SFXN2: variants seen among roughly 807,000 people sequenced by gnomAD.
SFXN2 encodes the protein sideroflexin 2.
In SFXN2, 37 loss-of-function variants were observed where a neutral mutation model predicts 41.9. That is an observed-to-expected ratio of 0.88 (90% confidence interval 0.68 to 1.16). The LOEUF (loss-of-function observed/expected upper bound fraction) is 1.16, where lower values mean the gene tolerates loss of function less well. Ranked by LOEUF, SFXN2 falls within the 50% of genes most tolerant of loss-of-function variation. The pLI, the probability that SFXN2 is intolerant of heterozygous loss-of-function variation, is 0.00. For synonymous variants in SFXN2, 150 were observed against 156.7 expected (o/e 0.96, Z 0.32); for missense variants, 386 against 425.2 (o/e 0.91, Z 0.81).
Position 102,739,151 on chromosome 10 carries a change from G to T in SFXN2, c.*1389G>T, listed in dbSNP as rs1218608262. ...TGTCCAACAGATATCACTGTGAATT[G>T]AATAAATTTGTTGAAAGAGCACACA... On this transcript the variant is annotated 3_prime_UTR_variant, in exon 12 of 12. Transcript: ENST00000369893. The T allele has an allele frequency of 6.6e-6, 1 of 152,194 alleles. No individual in the cohort carries two copies. Among genetic ancestry groups the T allele is most frequent in the East Asian group, 1.9e-4 (1 of 5,194 alleles). 9.4% of individuals were successfully genotyped at this position (152,194 alleles called of 1,614,324 possible).
At chr10:102,737,212 C>G (rs192571134) in intron 11 of SFXN2, among the ~76,000 whole-genome samples, 6 of 151,934 alleles carry the variant, frequency 3.9e-5, no homozygotes, top group Non-Finnish European at 7.4e-5. Flanking sequence ...GGCTGACAAC[C>G]GAAACCCCTC....
chr10:102,718,856 C>T (rs2064457485), intron 1 of SFXN2, among the ~76,000 whole-genome samples: 1 of 151,954 alleles, frequency 6.6e-6, no homozygotes, highest in African/African-American at 2.4e-5. Flanking sequence ...CCTGTCTCCA[C>T]CTCCTTTCTC....
chr10:102,722,986 C>T (rs2064532269), intron 1 of SFXN2, among the ~76,000 whole-genome samples: 1 of 128,194 alleles, frequency 7.8e-6, no homozygotes, highest in African/African-American at 3.0e-5. Flanking sequence ...GGCTGGAGTG[C>T]AGTGGCTTGA....
At chr10:102,733,457 C>A in intron 9 of SFXN2, 97 bp from the exon 10 acceptor site, 2 of 1,022,952 alleles carry the variant, frequency 2.0e-6, no homozygotes, top group Non-Finnish European at 1.5e-6. Context: ...CACCTGTGGG[C>A]TTTTCTAGCT....
intron 1 of SFXN2, among the ~76,000 whole-genome samples, chr10:102,724,476 G>A (rs1325992672): frequency 6.6e-6 from 1 of 152,164 alleles, no homozygotes; most frequent in Non-Finnish European, 1.5e-5. Flanking sequence ...GGCCGAGGTG[G>A]GCGGATCACG....
In SFXN2 at chr10:102,733,696, C is replaced by T. The variant is rs1590153994; in HGVS notation, c.821+93C>T. The T allele has an allele frequency of 1.1e-5, 11 of 1,007,726 alleles. No individual in the cohort carries two copies. The East Asian group carries it at 2.4e-4, about 22-fold the overall frequency. 62.4% of individuals were successfully genotyped at this position (1,007,726 alleles called of 1,614,324 possible). On this transcript the variant is annotated intron_variant, in intron 10 of 11. Coordinates refer to ENST00000369893, the MANE Select transcript of SFXN2 (RefSeq NM_178858.6). ...AGCCCGTGTTGGAGAACGTGTACTC[C>T]TTTACCTGACTTTAAAAGTGGTCAA...
intron 1 of SFXN2, among the ~76,000 whole-genome samples, chr10:102,725,318 A>ACTTC (rs2064576092): frequency 1.3e-5 from 2 of 152,154 alleles, no homozygotes; most frequent in Non-Finnish European, 2.9e-5. Flanking sequence ...GTGAGGCAGG[A>ACTTC]AGGCAAGAGG....
In SFXN2 at chr10:102,727,092, C is replaced by T. The variant is rs1477718101; in HGVS notation, c.267C>T (p.Ile89=). ...HPDTGEKMNV[I]GRMSFQLPGG... is the part of the protein sequence containing the mutation. ...ACACTGGGGAGAAGATGAATGTCAT[C>T]GGGCGCATGTCTTTCCAGCTTCCTG... Residue 89 remains isoleucine, a synonymous_variant, in exon 3 of 12, where the codon ATC becomes ATT. Transcript: ENST00000369893. 8.7e-6 allele frequency: 14 copies of T among 1,610,548 alleles called. No individual in the cohort carries two copies. The highest frequency in any genetic ancestry group is 3.3e-5 in the South Asian group (3 of 91,010).
intron 3 of SFXN2, 33 bp downstream of exon 3, chr10:102,727,190 A>G: frequency 6.3e-7 from 1 of 1,577,522 alleles, no homozygotes; most frequent in Non-Finnish European, 8.7e-7. Flanking sequence ...TGGGAGGTAC[A>G]GCTGCCTGGA....
chr10:102,725,713 C>T (rs889007494), intron 1 of SFXN2, among the ~76,000 whole-genome samples: 1 of 151,770 alleles, frequency 6.6e-6, no homozygotes, highest in Non-Finnish European at 1.5e-5. Context: ...GGCAACATAG[C>T]GAGGTGCCAT....
intron 1 of SFXN2, among the ~76,000 whole-genome samples, chr10:102,723,241 G>C (rs2064536458): frequency 6.7e-6 from 1 of 148,476 alleles, no homozygotes; most frequent in South Asian, 2.1e-4. Flanking sequence ...TACCATGCCT[G>C]GCCGACTAGA....
Position 102,742,301 on chromosome 10 carries a change from G to A in SFXN2, c.*4539G>A, listed in dbSNP as rs1023615884. The A allele has an allele frequency of 6.6e-6, 1 of 152,224 alleles. No individual in the cohort carries two copies. The highest frequency in any genetic ancestry group is 2.4e-5 in the African/African-American group (1 of 41,368). 9.4% of individuals were successfully genotyped at this position (152,224 alleles called of 1,614,324 possible). ...TCTGCTTTAGCCTCCTGAGTAGCTG[G>A]GACTACAGGCATGCACCACCACGCC... On this transcript the variant is annotated 3_prime_UTR_variant, in exon 12 of 12. Coordinates refer to ENST00000369893, the MANE Select transcript of SFXN2 (RefSeq NM_178858.6).
intron 9 of SFXN2, 113 bp downstream of exon 9, chr10:102,733,021 C>A: frequency 2.8e-6 from 3 of 1,083,394 alleles, no homozygotes; most frequent in Non-Finnish European, 4.2e-6. Context: ...AGCTACCATG[C>A]TGTCATCTCA....
At position 102,737,972 on chromosome 10, in the gene SFXN2, A is replaced by G. The variant is rs966196253; in HGVS notation, c.*210A>G. The G allele has an allele frequency of 8.2e-6, 3 of 364,204 alleles. No individual in the cohort carries two copies. The highest frequency in any genetic ancestry group is 4.3e-5 in the East Asian group (1 of 23,198). 22.6% of individuals were successfully genotyped at this position (364,204 alleles called of 1,614,324 possible). On this transcript the variant is annotated 3_prime_UTR_variant, in exon 12 of 12. Coordinates refer to ENST00000369893, the MANE Select transcript of SFXN2 (RefSeq NM_178858.6). ...AAGTGAAAAAGGGTAGCAAAGGCCA[A>G]TGTCTTCTAGCTGCTTCCTCAACCC...
In SFXN2 at chr10:102,729,793, C is replaced by T. The variant is rs773486938; in HGVS notation, c.578C>T (p.Pro193Leu). 6.2e-7 allele frequency: 1 copy of T among 1,614,068 alleles called. No individual in the cohort carries two copies. Residue 193 changes from proline to leucine, a missense_variant, in exon 6 of 12, where the codon CCC (proline) becomes CTC (leucine). Physicochemically the swap from Pro to Leu is moderately conservative, Grantham distance 98 (BLOSUM62 -3). Transcript: ENST00000369893. The stretch of plus-strand genomic sequence containing the variant: ...GCTGCGGCTAACTGTGTCAATATCC[C>T]CATGATGCGACAGCAGTGAGTAAAG... ...AVAAANCVNI[P>L]MMRQQELIKG...
chr10:102,735,335 C>T (rs1386136164), intron 10 of SFXN2, among the ~76,000 whole-genome samples: 3 of 151,376 alleles, frequency 2.0e-5, no homozygotes, highest in South Asian at 2.1e-4. Context: ...CCAAGTTGCT[C>T]CTCAACCTCC....
chr10:102,733,716 G>C, intron 10 of SFXN2, 113 bp downstream of exon 10: 4 of 894,090 alleles, frequency 4.5e-6, no homozygotes, highest in Non-Finnish European at 7.3e-6. Flanking sequence ...CTTTAAAAGT[G>C]GTCAAGCTCA....
intron 1 of SFXN2, among the ~76,000 whole-genome samples, chr10:102,718,348 T>G (rs1016429437): frequency 3.9e-5 from 6 of 152,364 alleles, no homozygotes; most frequent in African/African-American, 1.4e-4. Context: ...GTCTCCAGCA[T>G]GTATGAGCCT....
chr10:102,727,128 C>A lies in SFXN2; in HGVS notation c.303C>A (p.Ile101=). The stretch of plus-strand genomic sequence containing the variant: ...CTTTCCAGCTTCCTGGCGGCATGAT[C>A]ATCACGGGCTTCATGCTCCAGTTCT... ...RMSFQLPGGM[I]ITGFMLQFYR... The change falls in exon 3 of 12, where the codon ATC becomes ATA. Residue 101 remains isoleucine (I), a synonymous_variant. Transcript: ENST00000369893. The A allele has an allele frequency of 6.2e-7, 1 of 1,606,110 alleles. No individual in the cohort carries two copies.
Sources: gnomAD v4.1 joint callset for allele counts (sites outside exome capture counted in the v4.1 genomes callset) on GRCh38, gnomAD v4.1.1 for gene constraint, MANE v1.5 for transcripts, NCBI Gene and HGNC (gene_info 2026-07-23, HGNC 2026-07-21) for gene names.